ARPP21: variants seen among roughly 807,000 people sequenced by gnomAD.
ARPP21 encodes cAMP regulated phosphoprotein 21.
ARPP21 carries 69 observed loss-of-function variants against 113.2 expected under a neutral mutation model. The ratio of observed to expected loss-of-function variants is 0.61; its 90% CI spans 0.50 to 0.74. The LOEUF (loss-of-function observed/expected upper bound fraction) is 0.74, where lower values mean the gene tolerates loss of function less well. ARPP21 is among the 30% of genes least tolerant of loss of function. The pLI is 0.00. For missense variants in ARPP21, 1,070 were observed against 1,037.4 expected (o/e 1.03, Z -0.43); for synonymous variants, 368 against 375.5 (o/e 0.98, Z 0.23).
At chr3:35,762,126 T>TCTCTCACACA (rs1424526664) in intron 19 of ARPP21, among the ~76,000 whole-genome samples, 10 of 126,954 alleles carry the variant, frequency 7.9e-5, no homozygotes, top group African/African-American at 2.5e-4. Flanking sequence ...TCTCTCTCTC[T>TCTCTCACACA]CACACACACA....
At chr3:35,762,021 A>G (rs2095795866) in intron 19 of ARPP21, among the ~76,000 whole-genome samples, 1 of 151,864 alleles carries the variant, frequency 6.6e-6, no homozygotes, top group Admixed American at 6.6e-5. Context: ...TTAAATAACA[A>G]AGAATTTTTT....
At chr3:35,791,952 C>T (rs1049181617) in intron 19 of ARPP21, among the ~76,000 whole-genome samples, 2 of 152,060 alleles carry the variant, frequency 1.3e-5, no homozygotes, top group African/African-American at 4.8e-5. Flanking sequence ...TGAGATTGTC[C>T]AGGAGAAGAG....
intron 9 of ARPP21, among the ~76,000 whole-genome samples, chr3:35,693,748 TG>T (rs1559641924): frequency 6.6e-6 from 1 of 151,660 alleles, no homozygotes; most frequent in Non-Finnish European, 1.5e-5. Context: ...GTGTTGGTCA[TG>T]GGAACCATAT....
At chr3:35,655,267 A>G (rs1222494651) in intron 1 of ARPP21, among the ~76,000 whole-genome samples, 2 of 151,990 alleles carry the variant, frequency 1.3e-5, no homozygotes, top group Non-Finnish European at 2.9e-5. Flanking sequence ...ACATTTATAT[A>G]TGTATATATT....
chr3:35,644,431 A>G (rs1699379928), intron 1 of ARPP21, among the ~76,000 whole-genome samples: 1 of 152,008 alleles, frequency 6.6e-6, no homozygotes, highest in African/African-American at 2.4e-5. Flanking sequence ...TTTCATTAAG[A>G]ATAAAGTGCA....
At chr3:35,688,034 A>T (rs2081122764) in intron 6 of ARPP21, 151 bp downstream of exon 6, 3 of 675,740 alleles carry the variant, frequency 4.4e-6, no homozygotes, top group Non-Finnish European at 7.1e-6. Flanking sequence ...AAAAAATGTG[A>T]ACTTGATTTT....
chr3:35,770,280 C>T (rs1010593205), intron 19 of ARPP21, among the ~76,000 whole-genome samples: 3 of 152,130 alleles, frequency 2.0e-5, no homozygotes, highest in Non-Finnish European at 4.4e-5. Context: ...TCTTTTTCTT[C>T]ATCAACTTGT....
intron 15 of ARPP21, among the ~76,000 whole-genome samples, chr3:35,730,911 G>T (rs544825976): frequency 6.6e-6 from 1 of 152,132 alleles, no homozygotes; most frequent in Non-Finnish European, 1.5e-5. Flanking sequence ...ATTGAAAACC[G>T]TTTGAAAGCT....
At chr3:35,700,216 G>A (rs993814021) in intron 9 of ARPP21, among the ~76,000 whole-genome samples, 3 of 151,814 alleles carry the variant, frequency 2.0e-5, no homozygotes, top group Non-Finnish European at 4.4e-5. Flanking sequence ...CTCCCTCAGA[G>A]AGGTTAAATA....
At chr3:35,688,880 A>AT (rs11457892) in intron 6 of ARPP21, among the ~76,000 whole-genome samples, 62,857 of 146,682 alleles carry the variant, frequency 0.43, 13,811 homozygotes, top group East Asian at 0.7. Context: ...CAGAACATTC[A>AT]TTTTTTTTTT....
intron 3 of ARPP21, among the ~76,000 whole-genome samples, chr3:35,682,636 A>G (rs1360475191): frequency 2.7e-5 from 4 of 149,408 alleles, no homozygotes; most frequent in African/African-American, 9.8e-5. Flanking sequence ...AACAGAAAAG[A>G]GCTAAAAGTT....
chr3:35,737,031 T>C (rs2094398429), intron 15 of ARPP21, 147 bp from the exon 16 acceptor site: 1 of 567,490 alleles, frequency 1.8e-6, no homozygotes, highest in South Asian at 2.9e-5. Flanking sequence ...AGTAAGGTCT[T>C]CACATTGGTG....
Position 35,640,714 on chromosome 3 carries a change from G to A in ARPP21, c.-213+316G>A, listed in dbSNP as rs537639469. Among the ~76,000 whole-genome samples, 33 of 152,292 alleles carry A rather than the reference G, an allele frequency of 2.2e-4. 1 individual carries two copies. Among genetic ancestry groups the A allele is most frequent in the Middle Eastern group, 3.4e-3 (1 of 294 alleles). ...AAAGTTTGCAATGCTCTTTTTGAAAGAGACCTATTGAAGAGGTAGAAAGTT... is the reference window on the plus strand; with the variant it reads ...AAAGTTTGCAATGCTCTTTTTGAAAAAGACCTATTGAAGAGGTAGAAAGTT... On this transcript the variant is annotated intron_variant, in intron 1 of 20. Transcript: ENST00000684406.
chr3:35,706,364 A>T (rs544487356), intron 9 of ARPP21, among the ~76,000 whole-genome samples: 1 of 152,348 alleles, frequency 6.6e-6, no homozygotes, highest in African/African-American at 2.4e-5. Context: ...CTAATCAACC[A>T]TTAAGTTGTT....
intron 19 of ARPP21, among the ~76,000 whole-genome samples, chr3:35,766,355 T>A (rs554155723): frequency 4.6e-5 from 7 of 152,240 alleles, no homozygotes; most frequent in Middle Eastern, 3.4e-3. Context: ...AATCTCTTTA[T>A]TGATGTAAAC....
intron 18 of ARPP21, among the ~76,000 whole-genome samples, chr3:35,743,021 A>T (rs1182253078): frequency 6.6e-6 from 1 of 152,248 alleles, no homozygotes; most frequent in African/African-American, 2.4e-5. Context: ...GTCATAAGAA[A>T]GTTAAGAAGG....
chr3:35,734,776 C>A (rs2094230483), intron 15 of ARPP21, among the ~76,000 whole-genome samples: 1 of 152,198 alleles, frequency 6.6e-6, no homozygotes, highest in Non-Finnish European at 1.5e-5. Context: ...TCCTCCCCAA[C>A]CTGCTCCATT....
intron 19 of ARPP21, among the ~76,000 whole-genome samples, chr3:35,768,724 T>C (rs984377667): frequency 6.6e-6 from 1 of 152,222 alleles, no homozygotes; most frequent in Non-Finnish European, 1.5e-5. Flanking sequence ...GTCTTATCAC[T>C]GAAAGGCCAC....
At chr3:35,708,079 A>T (rs559937457) in intron 10 of ARPP21, among the ~76,000 whole-genome samples, 1 of 152,004 alleles carries the variant, frequency 6.6e-6, no homozygotes, top group South Asian at 2.1e-4. Flanking sequence ...CTTTTTAAAA[A>T]CTTGTTCATC....
Sources: gnomAD v4.1 joint callset for allele counts (sites outside exome capture counted in the v4.1 genomes callset) on GRCh38, gnomAD v4.1.1 for gene constraint, MANE v1.5 for transcripts, NCBI Gene and HGNC (gene_info 2026-07-23, HGNC 2026-07-21) for gene names.